LY96: variants seen among roughly 807,000 people sequenced by gnomAD.
LY96 encodes the protein lymphocyte antigen 96, also known as myeloid differentiation protein-2.
LY96 carries 18 observed loss-of-function variants against 18.9 expected under a neutral mutation model. That is an observed-to-expected ratio of 0.95 (90% CI 0.66 to 1.41). The LOEUF is 1.41. Ranked by LOEUF, LY96 falls within the 40% of genes most tolerant of loss-of-function variation. The pLI is 0.00. For missense variants in LY96, 175 were observed against 182.4 expected, an observed-to-expected ratio of 0.96 and a Z score of 0.23; for synonymous variants, 66 against 62.6, an observed-to-expected ratio of 1.06 and a Z score of -0.26.
the LY96 span, among the ~76,000 whole-genome samples, chr8:74,097,568 G>A: frequency 2.0e-5 from 3 of 152,198 alleles, no homozygotes; most frequent in Admixed American, 2.0e-4. Context: ...AATTAGCTGG[G>A]TGTGGTGATG....
At chr8:74,030,679 G>C (rs1370430395), downstream of LY96, among the ~76,000 whole-genome samples, 1 of 151,890 alleles carries the variant, frequency 6.6e-6, no homozygotes, top group African/African-American at 2.4e-5. Context: ...CAAACCCTGG[G>C]TTTATACTCC....
intron 1 of LY96, among the ~76,000 whole-genome samples, chr8:73,997,862 A>G (rs1816183112): frequency 6.6e-6 from 1 of 152,226 alleles, no homozygotes. Context: ...AAGGTGCAGG[A>G]TAAGGGGACC....
the LY96 span, among the ~76,000 whole-genome samples, chr8:74,083,884 A>T: frequency 6.6e-6 from 1 of 151,398 alleles, no homozygotes; most frequent in African/African-American, 2.4e-5. Flanking sequence ...ATGGGGTCTC[A>T]CTATGTTGTC....
At chr8:74,021,346 A>C (rs1411987018) in intron 3 of LY96, among the ~76,000 whole-genome samples, 1 of 152,234 alleles carries the variant, frequency 6.6e-6, no homozygotes, top group African/African-American at 2.4e-5. Flanking sequence ...GTCATCAGAG[A>C]AATGCAAATC....
At chr8:74,092,773 T>A in the LY96 span, among the ~76,000 whole-genome samples, 28 of 152,322 alleles carry the variant, frequency 1.8e-4, no homozygotes, top group African/African-American at 6.7e-4. Context: ...TGCCACTCTG[T>A]CTTCTTCACA....
chr8:74,015,291 G>T (rs1816619088), intron 3 of LY96, among the ~76,000 whole-genome samples: 1 of 152,186 alleles, frequency 6.6e-6, no homozygotes, highest in South Asian at 2.1e-4. Context: ...GAATACCTTA[G>T]AAAAACAGAA....
intron 1 of LY96, among the ~76,000 whole-genome samples, chr8:73,994,885 G>A (rs1389217862): frequency 6.6e-6 from 1 of 152,192 alleles, no homozygotes; most frequent in Non-Finnish European, 1.5e-5. Context: ...GAGGCTAGAA[G>A]TCCAAGATCA....
chr8:74,051,193 CA>C, the LY96 span, among the ~76,000 whole-genome samples: 1 of 152,086 alleles, frequency 6.6e-6, no homozygotes, highest in Admixed American at 6.5e-5. Flanking sequence ...TAATTCAAAG[CA>C]AGGGAAGTGA....
At chr8:74,060,813 C>T in the LY96 span, among the ~76,000 whole-genome samples, 18 of 152,314 alleles carry the variant, frequency 1.2e-4, no homozygotes, top group African/African-American at 3.8e-4. Context: ...GTAAACTGAT[C>T]TATTTATTTA....
the LY96 span, chr8:74,055,765 A>T: frequency 6.6e-6 from 1 of 152,276 alleles, no homozygotes; most frequent in African/African-American, 2.4e-5. Flanking sequence ...ATGGAGCAGA[A>T]AGAGAAGTCA....
intron 1 of LY96, among the ~76,000 whole-genome samples, chr8:73,993,804 C>G (rs575076461): frequency 7.6e-6 from 1 of 132,176 alleles, no homozygotes; most frequent in East Asian, 2.1e-4. Context: ...GTCTGGAACT[C>G]CTGGGCTCAA....
At chr8:74,068,649 T>A in the LY96 span, among the ~76,000 whole-genome samples, 2 of 152,258 alleles carry the variant, frequency 1.3e-5, no homozygotes, top group Non-Finnish European at 2.9e-5. Context: ...TTAGTAGGTA[T>A]GCAGTGGATG....
At chr8:74,072,626 A>G in the LY96 span, among the ~76,000 whole-genome samples, 10 of 152,362 alleles carry the variant, frequency 6.6e-5, no homozygotes, top group African/African-American at 1.9e-4. Context: ...TTTGGAAAAT[A>G]TTTTGATAAT....
the LY96 span, among the ~76,000 whole-genome samples, chr8:74,084,917 C>G: frequency 6.6e-6 from 1 of 152,190 alleles, no homozygotes; most frequent in Admixed American, 6.5e-5. Context: ...ACCCAGCCCT[C>G]TCTTTCTCTT....
the LY96 span, among the ~76,000 whole-genome samples, chr8:74,076,403 G>A: frequency 1.3e-5 from 2 of 150,956 alleles, no homozygotes; most frequent in South Asian, 2.1e-4. Flanking sequence ...GGCTCACTGC[G>A]ACCTCCGCCT....
At chr8:74,030,125 G>A (rs1816945610), downstream of LY96, among the ~76,000 whole-genome samples, 1 of 152,198 alleles carries the variant, frequency 6.6e-6, no homozygotes, top group Non-Finnish European at 1.5e-5. Flanking sequence ...GGCAACTTGA[G>A]TTGCCCTGAA....
At position 74,010,063 on chromosome 8, in the gene LY96, A is replaced by G; in HGVS notation, c.265A>G (p.Lys89Glu). ...YITVNTMNLP[K>E]RKEVICRGSD... ...AACTGTCAACACCATGAATCTTCCA[A>G]AGCGCAAAGAAGTTATTTGCCGAGG... Residue 89 changes from lysine to glutamate, a missense_variant, in exon 3 of 5, where the codon AAG becomes GAG. Lys to Glu is a moderately conservative substitution (Grantham distance 56). Coordinates refer to ENST00000284818, the MANE Select transcript of LY96 (RefSeq NM_015364.5). 1 of 1,611,518 alleles carries G rather than the reference A, an allele frequency of 6.2e-7. No individual in the cohort carries two copies. The highest frequency in any genetic ancestry group is 8.5e-7 in the Non-Finnish European group (1 of 1,177,772).
At chr8:74,076,565 T>A in the LY96 span, among the ~76,000 whole-genome samples, 1 of 152,062 alleles carries the variant, frequency 6.6e-6, no homozygotes, top group Non-Finnish European at 1.5e-5. Context: ...TCTCAGGTGA[T>A]CCACCTGCCT....
chr8:74,070,143 G>A, the LY96 span, among the ~76,000 whole-genome samples: 11 of 151,402 alleles, frequency 7.3e-5, no homozygotes, highest in Non-Finnish European at 1.3e-4. Context: ...CCAGGCTAGA[G>A]TGCAGTGGCG....
Sources: allele counts gnomAD v4.1 joint callset (sites outside exome capture counted in the v4.1 genomes callset), GRCh38; gene constraint gnomAD v4.1.1; transcripts MANE v1.5; gene names NCBI Gene and HGNC (gene_info 2026-07-23, HGNC 2026-07-21).